The following HOOK3 variants were observed in gnomAD, a reference collection of about 807,000 sequenced individuals.
HOOK3 encodes hook microtubule tethering protein 3, also known as protein Hook homolog 3.
Under a neutral mutation model 116.3 loss-of-function variants are expected in HOOK3, and 24 were observed. That is an observed-to-expected ratio of 0.21 (90% CI 0.15 to 0.29). The LOEUF is 0.29. Among genes scored for constraint, HOOK3 ranks in the 10% least tolerant of loss-of-function variants. HOOK3 has a pLI of 1.00. For synonymous variants in HOOK3, 275 were observed against 283.0 expected (o/e 0.97, Z 0.28); for missense variants, 632 against 830.2 (o/e 0.76, Z 2.93).
At chr8:42,988,318 GC>G (rs1413034124) in intron 15 of HOOK3, among the ~76,000 whole-genome samples, 1 of 152,152 alleles carries the variant, frequency 6.6e-6, no homozygotes, top group Non-Finnish European at 1.5e-5. Context: ...TTCATCCTTT[GC>G]CTCTGGGCTG....
chr8:42,986,070 A>G (rs527710839), intron 14 of HOOK3, among the ~76,000 whole-genome samples: 19 of 152,302 alleles, frequency 1.2e-4, no homozygotes, highest in African/African-American at 4.6e-4. Context: ...ATTTAATTAT[A>G]TTGTCCCTGC....
intron 2 of HOOK3, among the ~76,000 whole-genome samples, chr8:42,919,742 A>G (rs565447262): frequency 6.6e-6 from 1 of 152,282 alleles, no homozygotes; most frequent in Admixed American, 6.5e-5. Context: ...GGAGCTGGAG[A>G]CCAGCCCAGC....
At chr8:42,942,850 C>T (rs1808153866) in intron 4 of HOOK3, among the ~76,000 whole-genome samples, 2 of 152,124 alleles carry the variant, frequency 1.3e-5, no homozygotes. Flanking sequence ...AGTCAGTTTC[C>T]GTATAAAGAA....
chr8:42,973,274 A>G lies in HOOK3; in HGVS notation c.1123-15A>G, dbSNP rs755667186. On this transcript the variant is annotated splice_polypyrimidine_tract_variant and intron_variant, in intron 11 of 21. Transcript: ENST00000307602. Reference sequence around the variant, plus strand: ...TCTCAGATTATGTATAAGTAATGGTATCTTTCTGTATCAGGTAGTAGAACT... The same window carrying G: ...TCTCAGATTATGTATAAGTAATGGTGTCTTTCTGTATCAGGTAGTAGAACT... 6.3e-7 allele frequency: 1 copy of G among 1,594,024 alleles called. No individual in the cohort carries two copies. The highest frequency in any genetic ancestry group is 1.4e-5 in the African/African-American group (1 of 73,404).
intron 15 of HOOK3, among the ~76,000 whole-genome samples, chr8:42,996,135 C>A (rs968567291): frequency 1.3e-5 from 2 of 152,016 alleles, no homozygotes; most frequent in African/African-American, 4.8e-5. Flanking sequence ...CCTGTAATCC[C>A]AGCACTTTGG....
At chr8:42,923,769 A>G (rs770811534) in intron 2 of HOOK3, among the ~76,000 whole-genome samples, 2 of 152,172 alleles carry the variant, frequency 1.3e-5, no homozygotes, top group Non-Finnish European at 2.9e-5. Flanking sequence ...GGCTATACTA[A>G]AATGCATTGT....
chr8:42,898,031 G>C (rs528572869), intron 1 of HOOK3, among the ~76,000 whole-genome samples: 10 of 152,250 alleles, frequency 6.6e-5, no homozygotes, highest in Admixed American at 2.6e-4. Context: ...GTTTACGGAT[G>C]TGTTTATGAA....
intron 15 of HOOK3, among the ~76,000 whole-genome samples, chr8:42,989,848 TC>T (rs939049131): frequency 5.9e-5 from 9 of 152,156 alleles, no homozygotes; most frequent in Non-Finnish European, 1.3e-4. Flanking sequence ...AAGTTTGTCT[TC>T]CTGTGCCTGT....
chr8:42,997,836 C>T (rs1809308707), intron 16 of HOOK3, 199 bp downstream of exon 16: 1 of 470,324 alleles, frequency 2.1e-6, no homozygotes, highest in African/African-American at 2.0e-5. Context: ...ATTCGCTCTG[C>T]TGGGAATTAG....
At chr8:42,999,591 C>G (rs1809341816) in intron 16 of HOOK3, among the ~76,000 whole-genome samples, 1 of 152,142 alleles carries the variant, frequency 6.6e-6, no homozygotes, top group Non-Finnish European at 1.5e-5. Context: ...GGAAGTGGTC[C>G]CCTCTGGAGA....
At chr8:42,952,079 G>A (rs1808354697) in intron 6 of HOOK3, among the ~76,000 whole-genome samples, 1 of 152,154 alleles carries the variant, frequency 6.6e-6, no homozygotes, top group Non-Finnish European at 1.5e-5. Flanking sequence ...CAGATTTAAA[G>A]GCATCATTCT....
In HOOK3 at chr8:42,906,243, A is replaced by C; in HGVS notation, c.128A>C (p.Gln43Pro). 1 of 1,546,676 alleles carries C rather than the reference A, an allele frequency of 6.5e-7. No homozygotes were observed. The highest frequency in any genetic ancestry group is 8.8e-7 in the Non-Finnish European group (1 of 1,137,626). Residue 43 changes from glutamine (Q) to proline (P), a missense_variant, in exon 2 of 22, where the codon CAG becomes CCG. Gln to Pro is a moderately conservative substitution (Grantham distance 76). Around this residue, in one of 3 missense-constraint regions of HOOK3, gnomAD observed 141 missense variants for 150.8 expected, o/e 0.93. Transcript: ENST00000307602. ...TTAACGAATGGGGTTGTGATGGCCC[A>C]GGTTCTTCAAAAGATGTAAGAATAA... ...EDLTNGVVMA[Q>P]VLQKIDPAYF...
rs528483060 is a variant in HOOK3 at position 43,019,161 on chromosome 8, A to G, written c.*663A>G. On this transcript the variant is annotated 3_prime_UTR_variant, in exon 22 of 22. Transcript: ENST00000307602. ...GAGACTATTTTTAAAACATAAATAC[A>G]TAAAATTTCATTATTTCCTGCTATC... 3.3e-5 allele frequency: 7 copies of G among 209,386 alleles called. No individual in the cohort carries two copies. Among genetic ancestry groups the G allele is most frequent in the Non-Finnish European group, 5.8e-5 (6 of 102,922 alleles). The allele number at this position is 209,386 out of a possible 1,614,324, so 13.0% of individuals were successfully genotyped here. A position where few individuals can be genotyped will look rare whatever the true frequency, so the allele number is the denominator to read the frequency against.
intron 21 of HOOK3, among the ~76,000 whole-genome samples, chr8:43,014,285 GAAA>G (rs1195987584): frequency 3.0e-5 from 2 of 66,702 alleles, no homozygotes; most frequent in Non-Finnish European, 6.7e-5. Flanking sequence ...GACTGTCTCA[GAAA>G]AAAAAAAAAA....
intron 4 of HOOK3, among the ~76,000 whole-genome samples, chr8:42,931,032 A>G (rs1447611623): frequency 6.6e-6 from 1 of 152,196 alleles, no homozygotes; most frequent in African/African-American, 2.4e-5. Context: ...TTCCCCTTGC[A>G]TTGAGAATCA....
intron 16 of HOOK3, among the ~76,000 whole-genome samples, chr8:42,999,898 G>A (rs1398961264): frequency 6.6e-6 from 1 of 152,140 alleles, no homozygotes; most frequent in Admixed American, 6.5e-5. Flanking sequence ...TGTAATCCTA[G>A]CACTTTGGGA....
intron 14 of HOOK3, among the ~76,000 whole-genome samples, chr8:42,986,259 A>C (rs1809047470): frequency 6.6e-6 from 1 of 152,206 alleles, no homozygotes; most frequent in Non-Finnish European, 1.5e-5. Context: ...TCTTGAAGTG[A>C]TTCTTGTCAA....
chr8:42,974,108 G>T lies in HOOK3; in HGVS notation c.1235G>T (p.Arg412Met). ...CTCCATGTTTTTGTGTCTCTCCAGAGGCTGAGAACAGAAAGGGATTCTCTG... is the reference window on the plus strand; with the variant it reads ...CTCCATGTTTTTGTGTCTCTCCAGATGCTGAGAACAGAAAGGGATTCTCTG... ...KVDSLQKEKD[R>M]LRTERDSLKE... The change falls in exon 13 of 22, where the codon AGG becomes ATG. Residue 412 changes from arginine (R) to methionine (M), a missense_variant and splice_region_variant. Arg to Met is a moderately conservative substitution (Grantham distance 91). Around this residue, in one of 3 missense-constraint regions of HOOK3, gnomAD observed 483 missense variants for 648.1 expected, o/e 0.75. Transcript: ENST00000307602. The T allele has an allele frequency of 6.2e-7, 1 of 1,612,644 alleles. No individual in the cohort carries two copies. Among genetic ancestry groups the T allele is most frequent in the Non-Finnish European group, 8.5e-7 (1 of 1,178,662 alleles).
At chr8:43,009,381 G>C (rs984598930) in intron 18 of HOOK3, among the ~76,000 whole-genome samples, 2 of 151,106 alleles carry the variant, frequency 1.3e-5, no homozygotes, top group African/African-American at 2.4e-5. Flanking sequence ...GCTCCAGTGA[G>C]ACTGTCTCCA....
Sources: allele counts gnomAD v4.1 joint callset (sites outside exome capture counted in the v4.1 genomes callset), GRCh38; gene constraint gnomAD v4.1.1; regional missense constraint gnomAD v4.1.1; transcripts MANE v1.5; gene names NCBI Gene and HGNC (gene_info 2026-07-23, HGNC 2026-07-21).